The following STK4 variants were observed in gnomAD, a reference collection of about 807,000 sequenced individuals.
The protein encoded by STK4 is serine/threonine-protein kinase 4.
A neutral mutation model predicts 64.9 loss-of-function variants in STK4; 30 were observed. That is an observed-to-expected ratio of 0.46 (90% CI 0.35 to 0.63). STK4 has a LOEUF of 0.63. Ranked by LOEUF, STK4 falls within the 20% of genes least tolerant of loss-of-function variation. STK4 has a pLI of 0.01. For synonymous variants in STK4, 177 were observed against 199.0 expected (o/e 0.89, Z 0.93); for missense variants, 466 against 598.5 (o/e 0.78, Z 2.31).
intron 10 of STK4, among the ~76,000 whole-genome samples, chr20:45,055,014 A>ATAAG (rs750764999): frequency 1.6e-4 from 24 of 152,154 alleles, no homozygotes; most frequent in Non-Finnish European, 5.9e-5. Context: ...GAATAGCAAT[A>ATAAG]TAAGCATCAA....
intron 4 of STK4, 131 bp downstream of exon 4, chr20:44,982,074 C>A: frequency 5.5e-6 from 3 of 545,196 alleles, no homozygotes; most frequent in Non-Finnish European, 6.6e-6. Context: ...GGTTATTTTC[C>A]ATCTTTATTC....
chr20:45,018,116 G>A (rs2068176943), intron 9 of STK4, among the ~76,000 whole-genome samples: 1 of 152,148 alleles, frequency 6.6e-6, no homozygotes, highest in Admixed American at 6.5e-5. Flanking sequence ...CATAACAAAT[G>A]TTAGAAAAAA....
chr20:44,990,250 G>T (rs2067607196), intron 5 of STK4, among the ~76,000 whole-genome samples: 1 of 152,010 alleles, frequency 6.6e-6, no homozygotes, highest in African/African-American at 2.4e-5. Context: ...TACAAGTTTT[G>T]CATGTATTTG....
intron 5 of STK4, among the ~76,000 whole-genome samples, chr20:44,993,840 A>G (rs565292152): frequency 3.3e-5 from 5 of 152,246 alleles, no homozygotes; most frequent in Admixed American, 2.0e-4. Flanking sequence ...TTAGTCGGGC[A>G]TGATGGTGGG....
At chr20:45,028,973 A>G (rs950615740) in intron 10 of STK4, among the ~76,000 whole-genome samples, 3 of 152,178 alleles carry the variant, frequency 2.0e-5, no homozygotes, top group African/African-American at 7.2e-5. Flanking sequence ...AGCACATTGC[A>G]TGACTTGTAT....
At chr20:45,046,767 C>T (rs1407124844) in intron 10 of STK4, among the ~76,000 whole-genome samples, 1 of 151,816 alleles carries the variant, frequency 6.6e-6, no homozygotes, top group Admixed American at 6.6e-5. Context: ...CTGCAACCTC[C>T]GCCTCCTGGA....
chr20:45,072,345 T>C (rs889804096), intron 10 of STK4, among the ~76,000 whole-genome samples: 1 of 152,220 alleles, frequency 6.6e-6, no homozygotes, highest in African/African-American at 2.4e-5. Context: ...AACTTATATG[T>C]CTTCATTTTG....
rs186380705 is a variant in STK4 at position 45,057,019 on chromosome 20, T to C, written c.1306-17999T>C. On this transcript the variant is annotated intron_variant, in intron 10 of 10. Transcript: ENST00000372806. ...AGGCCATCCAGTGGGTTACTGGCCA[T>C]CCGGTGGGTAGCAGGGTGTGGGCCC... 8.3e-4 allele frequency among the ~76,000 whole-genome samples: 127 copies of C among 152,298 alleles called. 1 individual carries two copies. The highest frequency in any genetic ancestry group is 4.1e-3 in the South Asian group (20 of 4,824).
At chr20:45,057,493 A>G (rs1439184013) in intron 10 of STK4, among the ~76,000 whole-genome samples, 1 of 152,180 alleles carries the variant, frequency 6.6e-6, no homozygotes, top group African/African-American at 2.4e-5. Flanking sequence ...AGTAACAAAG[A>G]TATGTTTATA....
chr20:45,037,318 G>A (rs2068542850), intron 10 of STK4, among the ~76,000 whole-genome samples: 1 of 152,130 alleles, frequency 6.6e-6, no homozygotes, highest in South Asian at 2.1e-4. Flanking sequence ...AAAAGGGGAG[G>A]AAGGGAGCGA....
At chr20:45,073,402 C>T (rs1980248328) in intron 10 of STK4, among the ~76,000 whole-genome samples, 1 of 152,112 alleles carries the variant, frequency 6.6e-6, no homozygotes, top group Non-Finnish European at 1.5e-5. Flanking sequence ...AGGAAAATTC[C>T]TGTGGTGACA....
At chr20:44,991,669 T>G (rs1000846995) in intron 5 of STK4, among the ~76,000 whole-genome samples, 1 of 152,162 alleles carries the variant, frequency 6.6e-6, no homozygotes, top group Non-Finnish European at 1.5e-5. Context: ...TACTTTTTTT[T>G]TTTGTTTTTG....
chr20:45,018,923 G>A (rs2068193444), intron 9 of STK4, among the ~76,000 whole-genome samples: 1 of 151,796 alleles, frequency 6.6e-6, no homozygotes, highest in Non-Finnish European at 1.5e-5. Context: ...GTAGAGACAG[G>A]GTCTCACTAT....
chr20:45,033,099 TC>T (rs763498711), intron 10 of STK4, among the ~76,000 whole-genome samples: 18 of 152,208 alleles, frequency 1.2e-4, no homozygotes, highest in Non-Finnish European at 2.2e-4. Context: ...TCATGTCCTT[TC>T]CCCATTTTTA....
intron 3 of STK4, 56 bp from the exon 4 acceptor site, chr20:44,981,773 A>T: frequency 9.8e-7 from 1 of 1,019,058 alleles, no homozygotes; most frequent in Non-Finnish European, 1.5e-6. Flanking sequence ...TGCTAGCATG[A>T]ATTAAGAGAT....
chr20:45,014,140 C>T (rs910507844), intron 9 of STK4, among the ~76,000 whole-genome samples: 9 of 151,880 alleles, frequency 5.9e-5, no homozygotes, highest in African/African-American at 1.7e-4. Flanking sequence ...AAAATGAAAA[C>T]GGTCCAGGAT....
At chr20:44,986,869 T>C (rs2067538756) in intron 4 of STK4, among the ~76,000 whole-genome samples, 1 of 152,048 alleles carries the variant, frequency 6.6e-6, no homozygotes, top group Non-Finnish European at 1.5e-5. Context: ...GTGATAGACA[T>C]AGAGTTTGAT....
intron 10 of STK4, among the ~76,000 whole-genome samples, chr20:45,031,531 G>A (rs542724010): frequency 6.6e-6 from 1 of 152,052 alleles, no homozygotes; most frequent in African/African-American, 2.4e-5. Flanking sequence ...AAATACAACC[G>A]AAAAGTTTAA....
In STK4 at chr20:45,047,771, T is replaced by C. The variant is rs112229035; in HGVS notation, c.1305+22641T>C. On this transcript the variant is annotated intron_variant, in intron 10 of 10. Transcript: ENST00000372806. ...CCTGGCATTCCTAATCTATTATTAA[T>C]ATGTGGGTTCCTTTTAGAGTGATGG... 3.6e-3 allele frequency among the ~76,000 whole-genome samples: 541 copies of C among 152,320 alleles called. 3 individuals carry two copies. The highest frequency in any genetic ancestry group is 0.013 in the African/African-American group (522 of 41,558).
Sources: allele counts gnomAD v4.1 joint callset (sites outside exome capture counted in the v4.1 genomes callset), GRCh38; gene constraint gnomAD v4.1.1; transcripts MANE v1.5; gene names NCBI Gene and HGNC (gene_info 2026-07-23, HGNC 2026-07-21).